GRAPL: variants seen among roughly 807,000 people sequenced by gnomAD.
GRAPL encodes GRB2 related adaptor protein like.
chr17:19,146,627 GGCGAGACTCC>G (rs2044693113), intron 3 of GRAPL, among the ~76,000 whole-genome samples: 1 of 95,220 alleles, frequency 1.1e-5, no homozygotes, highest in Non-Finnish European at 1.9e-5. Flanking sequence ...TGGGTGACAG[GGCGAGACTCC>G]GTCTCAAAAA....
intron 3 of GRAPL, among the ~76,000 whole-genome samples, chr17:19,144,842 A>G (rs2044689960): frequency 1.3e-5 from 1 of 79,438 alleles, no homozygotes; most frequent in Non-Finnish European, 2.4e-5. Flanking sequence ...CCCAGAGGGT[A>G]GCCCCAGTCT....
intron 3 of GRAPL, among the ~76,000 whole-genome samples, chr17:19,151,992 G>C (rs1357658842): frequency 5.8e-5 from 8 of 139,120 alleles, no homozygotes; most frequent in East Asian, 2.0e-4. Context: ...TCAAATGATT[G>C]TCCTGCCTCA....
rs764286470 is a variant in GRAPL at position 19,147,016 on chromosome 17, G to GGTGTGTGTGTGT, written c.299+8452_299+8463dup. On this transcript the variant is annotated intron_variant, in intron 3 of 3. Transcript: ENST00000344415. Reference sequence around the variant, plus strand: ...CAATTTACAACCCAGGAGAGGTAGGGGTGTGTGTGTGTGTGTGTGTGTGTG... The same window carrying GGTGTGTGTGTGT: ...CAATTTACAACCCAGGAGAGGTAGGGGTGTGTGTGTGTGTGTGTGTGTGTGTGTGTGTGTGTG... 1.2e-4 allele frequency among the ~76,000 whole-genome samples: 12 copies of GGTGTGTGTGTGT among 98,548 alleles called. 1 individual carries two copies. The highest frequency in any genetic ancestry group is 1.2e-3 in the East Asian group (2 of 1,666). The allele number at this position is 98,548 out of a possible 152,430, so 64.7% of individuals were successfully genotyped here.
At chr17:19,143,128 CA>C (rs1385704912) in intron 3 of GRAPL, 2 of 83,384 alleles carry the variant, frequency 2.4e-5, no homozygotes, top group African/African-American at 1.4e-4. Flanking sequence ...ACCTGATGGC[CA>C]CCTCGGAAAA....
intron 3 of GRAPL, among the ~76,000 whole-genome samples, chr17:19,148,897 G>T (rs1317912129): frequency 8.1e-6 from 1 of 123,740 alleles, no homozygotes; most frequent in African/African-American, 2.9e-5. Context: ...GACAGAGCGA[G>T]ACCACGCCTC....
At chr17:19,151,745 ATT>A (rs2044729402) in intron 3 of GRAPL, among the ~76,000 whole-genome samples, 16 of 41,116 alleles carry the variant, frequency 3.9e-4, no homozygotes, top group Middle Eastern at 0.017. Flanking sequence ...TGCCCAGCTA[ATT>A]CTTTTGTATT....
chr17:19,144,597 G>A (rs920812567), intron 3 of GRAPL, among the ~76,000 whole-genome samples: 3 of 140,402 alleles, frequency 2.1e-5, no homozygotes, highest in African/African-American at 5.2e-5. Flanking sequence ...TCACACCCCC[G>A]GCACTGCCCA....
At chr17:19,146,943 G>C (rs1269802752) in intron 3 of GRAPL, among the ~76,000 whole-genome samples, 1 of 110,062 alleles carries the variant, frequency 9.1e-6, no homozygotes, top group Non-Finnish European at 1.7e-5. Context: ...GGCTGTGGGT[G>C]AACCCAAGCT....
At chr17:19,149,045 C>T (rs1319680199) in intron 3 of GRAPL, among the ~76,000 whole-genome samples, 8 of 130,232 alleles carry the variant, frequency 6.1e-5, no homozygotes, top group African/African-American at 2.3e-4. Context: ...GAGAAAAATC[C>T]GTGGCTGGGC....
chr17:19,147,200 TG>T (rs1301048093), intron 3 of GRAPL, among the ~76,000 whole-genome samples: 1 of 145,340 alleles, frequency 6.9e-6, no homozygotes, highest in Non-Finnish European at 1.5e-5. Context: ...GGTCATCCTG[TG>T]CCCCTACCCT....
At chr17:19,147,027 G>T (rs1461937592) in intron 3 of GRAPL, among the ~76,000 whole-genome samples, 1 of 119,210 alleles carries the variant, frequency 8.4e-6, no homozygotes, top group Admixed American at 8.4e-5. Context: ...GTGTGTGTGT[G>T]TGTGTGTGTG....
intron 3 of GRAPL, among the ~76,000 whole-genome samples, chr17:19,148,747 A>C (rs1597953594): frequency 2.4e-5 from 1 of 40,996 alleles, no homozygotes; most frequent in East Asian, 2.8e-3. Context: ...TCTACTAAAA[A>C]TACAAAAAAA....
chr17:19,149,312 G>A (rs1443823494), intron 3 of GRAPL, among the ~76,000 whole-genome samples: 1 of 70,310 alleles, frequency 1.4e-5, no homozygotes, highest in Admixed American at 2.4e-4. Context: ...CTGGGCAACA[G>A]AGCAAGACTC....
intron 3 of GRAPL, among the ~76,000 whole-genome samples, chr17:19,148,902 C>G (rs140706075): frequency 8.3e-6 from 1 of 121,142 alleles, no homozygotes; most frequent in African/African-American, 3.0e-5. Context: ...AGCGAGACCA[C>G]GCCTCAAAAA....
chr17:19,144,819 G>A (rs1223893308), intron 3 of GRAPL, among the ~76,000 whole-genome samples: 1 of 90,440 alleles, frequency 1.1e-5, no homozygotes, highest in Non-Finnish European at 2.1e-5. Context: ...GTGGAGATGA[G>A]GTCTGGAGAG....
chr17:19,149,328 CAAAA>C (rs1169593968), intron 3 of GRAPL, among the ~76,000 whole-genome samples: 2 of 12,644 alleles, frequency 1.6e-4, no homozygotes, highest in Non-Finnish European at 2.1e-4. Flanking sequence ...GACTCTGTCT[CAAAA>C]AAAAAAAAAA....
intron 3 of GRAPL, among the ~76,000 whole-genome samples, chr17:19,147,016 GGTGTGTGTGTGTGTGTGTGTGTGT>G (rs764286470): frequency 2.0e-5 from 2 of 98,538 alleles, no homozygotes; most frequent in African/African-American, 1.3e-4. Flanking sequence ...GAGAGGTAGG[GGTGTGTGTGTGTGTGTGTGTGTGT>G]GTGTGTGTGT....
rs764286470 is a variant in GRAPL at position 19,147,016 on chromosome 17, GGTGTGTGTGT to G, written c.299+8454_299+8463del. Among the ~76,000 whole-genome samples, 9 of 98,562 alleles carry G rather than the reference GGTGTGTGTGT, an allele frequency of 9.1e-5. 1 individual carries two copies. The East Asian group carries it at 2.4e-3, about 26-fold the overall frequency. 64.7% of individuals were successfully genotyped at this position (98,562 alleles called of 152,430 possible). On this transcript the variant is annotated intron_variant, in intron 3 of 3. Coordinates refer to ENST00000344415, the MANE Select transcript of GRAPL (RefSeq NM_001129778.3). ...CAATTTACAACCCAGGAGAGGTAGG[GGTGTGTGTGT>G]GTGTGTGTGTGTGTGTGTGTGTGTG...
chr17:19,132,584 C>CG (rs2044645481), intron 1 of GRAPL, 58 bp from the exon 2 acceptor site: 1 of 347,478 alleles, frequency 2.9e-6, no homozygotes, highest in Non-Finnish European at 4.3e-6. Context: ...GTGGGGCCTC[C>CG]GGGGGTGACA....
Sources: gnomAD v4.1 joint callset for allele counts (sites outside exome capture counted in the v4.1 genomes callset) on GRCh38, gnomAD v4.1.1 for gene constraint, MANE v1.5 for transcripts, NCBI Gene and HGNC (gene_info 2026-07-23, HGNC 2026-07-21) for gene names.